CRACD: variants seen among roughly 807,000 people sequenced by gnomAD.
The protein encoded by CRACD is capping protein-inhibiting regulator of actin dynamics.
In CRACD, 56 loss-of-function variants were observed where a neutral mutation model predicts 106.8. The ratio of observed to expected loss-of-function variants is 0.52; its 90% CI spans 0.42 to 0.66. CRACD has a LOEUF of 0.66. Among genes scored for constraint, CRACD ranks in the 30% least tolerant of loss-of-function variants. CRACD has a pLI of 0.00. For missense variants in CRACD, 1,730 were observed against 1,623.2 expected, an observed-to-expected ratio of 1.07 and a Z score of -1.13; for synonymous variants, 754 against 670.8, an observed-to-expected ratio of 1.12 and a Z score of -1.92.
chr4:56,242,888 A>G (rs898044443), intron 2 of CRACD, among the ~76,000 whole-genome samples: 42 of 152,240 alleles, frequency 2.8e-4, no homozygotes, highest in African/African-American at 9.9e-4. Context: ...AAGTTTGTAC[A>G]CTTCACGGTG....
intron 2 of CRACD, among the ~76,000 whole-genome samples, chr4:56,184,134 G>A (rs1168082657): frequency 1.3e-5 from 2 of 151,974 alleles, no homozygotes; most frequent in Admixed American, 6.5e-5. Flanking sequence ...GCAGTGGCGC[G>A]ATCTCAGCTC....
At chr4:56,323,328 G>C (rs1746221820) in intron 8 of CRACD, 49 bp from the exon 9 acceptor site, 2 of 1,496,110 alleles carry the variant, frequency 1.3e-6, no homozygotes, top group African/African-American at 1.4e-5. Flanking sequence ...ACTGAGGTAA[G>C]TCCGCAGTTA....
At chr4:56,089,622 T>C (rs1391562852) in intron 1 of CRACD, among the ~76,000 whole-genome samples, 2 of 151,144 alleles carry the variant, frequency 1.3e-5, no homozygotes, top group African/African-American at 4.9e-5. Context: ...CAAGCGATTC[T>C]CCTGCCTCAG....
chr4:56,225,813 A>G (rs143874495), intron 2 of CRACD, among the ~76,000 whole-genome samples: 1 of 152,350 alleles, frequency 6.6e-6, no homozygotes, highest in Non-Finnish European at 1.5e-5. Flanking sequence ...GTAATTCAAG[A>G]TCATAACATT....
intron 2 of CRACD, among the ~76,000 whole-genome samples, chr4:56,226,918 T>A (rs1739333185): frequency 6.6e-6 from 1 of 151,708 alleles, no homozygotes; most frequent in African/African-American, 2.4e-5. Context: ...CTGTGGCTTC[T>A]TCTCCTTTGC....
At chr4:56,225,225 TG>T (rs1246704788) in intron 2 of CRACD, among the ~76,000 whole-genome samples, 1 of 152,118 alleles carries the variant, frequency 6.6e-6, no homozygotes, top group East Asian at 1.9e-4. Flanking sequence ...CCGGAGTAGC[TG>T]GGATTATAGT....
intron 3 of CRACD, among the ~76,000 whole-genome samples, chr4:56,282,167 C>T (rs1743074709): frequency 6.6e-6 from 1 of 152,140 alleles, no homozygotes. Flanking sequence ...GCAATTGCCC[C>T]TGTTGTCATG....
intron 1 of CRACD, among the ~76,000 whole-genome samples, chr4:56,067,724 C>T (rs568343275): frequency 6.6e-5 from 10 of 152,060 alleles, no homozygotes; most frequent in Non-Finnish European, 1.0e-4. Context: ...TACAGGAGTG[C>T]GCCACCATGT....
At chr4:56,256,715 C>T (rs1164658030) in intron 2 of CRACD, among the ~76,000 whole-genome samples, 1 of 152,180 alleles carries the variant, frequency 6.6e-6, no homozygotes, top group African/African-American at 2.4e-5. Flanking sequence ...GGCCCAAATG[C>T]CCATGGTCCT....
intron 2 of CRACD, among the ~76,000 whole-genome samples, chr4:56,243,973 C>T (rs75783750): frequency 6.6e-6 from 1 of 152,050 alleles, no homozygotes; most frequent in African/African-American, 2.4e-5. Context: ...TCTCTATGTC[C>T]GTGAGTTCAA....
chr4:56,106,424 A>G (rs77288397), intron 1 of CRACD, among the ~76,000 whole-genome samples: 3,877 of 152,276 alleles, frequency 0.025, 110 homozygotes, highest in African/African-American at 0.066. Context: ...CTAGTGTTTA[A>G]AAGCACTCAT....
intron 4 of CRACD, among the ~76,000 whole-genome samples, chr4:56,299,665 GT>G (rs1435992127): frequency 8.8e-5 from 13 of 146,976 alleles, no homozygotes; most frequent in African/African-American, 3.0e-4. Context: ...GTGAGAGCTT[GT>G]CCAAAAAAAA....
chr4:56,282,465 C>A (rs1743089658), intron 3 of CRACD, among the ~76,000 whole-genome samples: 1 of 152,106 alleles, frequency 6.6e-6, no homozygotes, highest in Admixed American at 6.5e-5. Flanking sequence ...AGAAGAGTGG[C>A]TAGAAAGCTG....
chr4:56,280,485 A>G (rs1457795637), intron 3 of CRACD, among the ~76,000 whole-genome samples: 2 of 152,156 alleles, frequency 1.3e-5, no homozygotes, highest in African/African-American at 4.8e-5. Flanking sequence ...TGATTCCCTC[A>G]GCCTAGATCA....
chr4:56,082,528 GAT>G (rs2109810088), intron 1 of CRACD, among the ~76,000 whole-genome samples: 1 of 152,330 alleles, frequency 6.6e-6, no homozygotes, highest in South Asian at 2.1e-4. Flanking sequence ...TGGTAGGGTA[GAT>G]GGAGTGAAGT....
At chr4:56,189,626 C>T (rs1477956227) in intron 2 of CRACD, among the ~76,000 whole-genome samples, 2 of 144,014 alleles carry the variant, frequency 1.4e-5, no homozygotes, top group Non-Finnish European at 3.0e-5. Flanking sequence ...TCAATTCCCA[C>T]CTATGAGTGA....
chr4:56,091,695 G>A (rs1443406060), intron 1 of CRACD, among the ~76,000 whole-genome samples: 1 of 152,144 alleles, frequency 6.6e-6, no homozygotes, highest in Non-Finnish European at 1.5e-5. Context: ...CCTAGGTTTT[G>A]TTACATTATG....
chr4:56,056,779 A>G (rs995835932), intron 1 of CRACD, among the ~76,000 whole-genome samples: 3 of 152,078 alleles, frequency 2.0e-5, no homozygotes, highest in Non-Finnish European at 1.5e-5. Context: ...AAAATAAAAA[A>G]GTACATACTA....
intron 2 of CRACD, among the ~76,000 whole-genome samples, chr4:56,201,696 T>C (rs757662292): frequency 3.5e-4 from 53 of 152,196 alleles, no homozygotes; most frequent in Non-Finnish European, 5.6e-4. Context: ...GAAAATTGTT[T>C]TTCAAGTCCA....
Sources: gnomAD v4.1 joint callset for allele counts (sites outside exome capture counted in the v4.1 genomes callset) on GRCh38, gnomAD v4.1.1 for gene constraint, MANE v1.5 for transcripts, NCBI Gene and HGNC (gene_info 2026-07-23, HGNC 2026-07-21) for gene names.